PABPC1: variants seen among roughly 807,000 people sequenced by gnomAD.
PABPC1 encodes poly(A) binding protein cytoplasmic 1.
A neutral mutation model predicts 74.0 loss-of-function variants in PABPC1; 4 were observed. The observed-to-expected ratio is 0.05, with a 90% confidence interval of 0.03 to 0.12. The LOEUF (loss-of-function observed/expected upper bound fraction) is 0.12. PABPC1 is among the 10% of genes least tolerant of loss of function. PABPC1 has a pLI of 1.00. For synonymous variants in PABPC1, 227 were observed against 264.1 expected (o/e 0.86, Z 1.36); for missense variants, 271 against 821.1 (o/e 0.33, Z 8.19).
intron 3 of PABPC1, among the ~76,000 whole-genome samples, chr8:100,717,373 C>G (rs1315811090): frequency 6.6e-6 from 1 of 152,154 alleles, no homozygotes; most frequent in African/African-American, 2.4e-5. Context: ...GTTTCCTCAC[C>G]TATAAAATGG....
chr8:100,707,611 G>A (rs1810415338), intron 9 of PABPC1, among the ~76,000 whole-genome samples: 1 of 152,220 alleles, frequency 6.6e-6, no homozygotes, highest in Non-Finnish European at 1.5e-5. Context: ...GGCAGAGCCA[G>A]GTGTACAGGA....
At position 100,709,195 on chromosome 8, in the gene PABPC1, G is replaced by A; in HGVS notation, c.1274C>T (p.Pro425Leu). The change falls in exon 9 of 15, where the codon CCT becomes CTT. Residue 425 changes from proline to leucine, a missense_variant. Physicochemically the swap from Pro to Leu is moderately conservative, Grantham distance 98 (BLOSUM62 -3). Transcript: ENST00000318607. ...QTQNRAAYYP[P>L]SQIAQLRPSP... is the part of the protein sequence containing the mutation. ...TGGTCTTAGTTGAGCAATTTGGCTA[G>A]GAGGATAGTATGCAGCACGGTTCTG... 1 of 1,614,136 alleles carries A rather than the reference G, an allele frequency of 6.2e-7. No individual in the cohort carries two copies. Among genetic ancestry groups the A allele is most frequent in the Non-Finnish European group, 8.5e-7 (1 of 1,179,994 alleles).
chr8:100,704,912 TAA>T lies in PABPC1; in HGVS notation c.1818+12_1818+13del. Reference sequence around the variant, plus strand: ...ACTGTGTAAGAGGCAACTTGGTAAATAAATTTAAATCACCTTAGAACGGAGTG... The same window carrying T: ...ACTGTGTAAGAGGCAACTTGGTAAATATTTAAATCACCTTAGAACGGAGTG... On this transcript the variant is annotated intron_variant, in intron 13 of 14. Coordinates refer to ENST00000318607, the MANE Select transcript of PABPC1 (RefSeq NM_002568.4). 1.2e-6 allele frequency: 2 copies of T among 1,609,084 alleles called. No individual in the cohort carries two copies. Among genetic ancestry groups the T allele is most frequent in the Non-Finnish European group, 1.7e-6 (2 of 1,178,006 alleles).
At position 100,709,377 on chromosome 8, in the gene PABPC1, T is replaced by G; in HGVS notation, c.1245+82A>C. 3.9e-6 allele frequency: 6 copies of G among 1,539,648 alleles called. No individual in the cohort carries two copies. In the South Asian group the frequency reaches 5.7e-5, roughly 15 times the overall value. ...ATTCCCCTTTCTTAATGTTTCACAT[T>G]TGCGGGGCGAGGGGCACAAAAAACA... On this transcript the variant is annotated intron_variant, in intron 8 of 14. Coordinates refer to ENST00000318607, the MANE Select transcript of PABPC1 (RefSeq NM_002568.4).
Position 100,721,041 on chromosome 8 carries a change from G to C in PABPC1, c.193+350C>G, listed in dbSNP as rs1810811274. Among the ~76,000 whole-genome samples, 1 of 152,026 alleles carries C rather than the reference G, an allele frequency of 6.6e-6. No homozygotes were observed. The highest frequency in any genetic ancestry group is 2.4e-5 in the African/African-American group (1 of 41,278). On this transcript the variant is annotated intron_variant, in intron 1 of 14. Coordinates refer to ENST00000318607, the MANE Select transcript of PABPC1 (RefSeq NM_002568.4). This position sits in a 1 kb window ranked among gnomAD's most constrained non-coding sequence, Gnocchi z 7.4. ...CCTCCACCTCTTACCCACGGAAGGAGCTCAGCGTTCAACGCCCCAGAATCC... is the reference window on the plus strand; with the variant it reads ...CCTCCACCTCTTACCCACGGAAGGACCTCAGCGTTCAACGCCCCAGAATCC...
At chr8:100,718,778 C>A (rs1469804898) in intron 1 of PABPC1, among the ~76,000 whole-genome samples, 4 of 152,098 alleles carry the variant, frequency 2.6e-5, no homozygotes, top group Non-Finnish European at 5.9e-5. Context: ...TATATGAAAA[C>A]TAGTCCATTT....
intron 3 of PABPC1, among the ~76,000 whole-genome samples, 200 bp from the exon 4 acceptor site, chr8:100,715,801 A>G (rs558749103): frequency 1.3e-5 from 2 of 151,470 alleles, no homozygotes; most frequent in Non-Finnish European, 3.0e-5. Context: ...TACAATCACA[A>G]AAAAAAAACC....
At chr8:100,710,850 G>A (rs1343774750) in intron 7 of PABPC1, among the ~76,000 whole-genome samples, 1 of 152,102 alleles carries the variant, frequency 6.6e-6, no homozygotes, top group Admixed American at 6.5e-5. Flanking sequence ...AGCCGGGCAT[G>A]GTGGCAGGTG....
chr8:100,717,847 T>C lies in PABPC1; in HGVS notation c.429A>G (p.Val143=), dbSNP rs1462824476. The C allele has an allele frequency of 6.2e-7, 1 of 1,614,022 alleles. No individual in the cohort carries two copies. The highest frequency in any genetic ancestry group is 1.7e-5 in the Admixed American group (1 of 60,018). ...DENGSKGYGF[V]HFETQEAAER... is the part of the protein sequence containing the mutation. ...CAGCTGCTTCCTGCGTCTCAAAGTG[T>C]ACAAATCCATAGCCCTTGGAACCAT... The change falls in exon 3 of 15, where the codon GTA becomes GTG. Residue 143 remains valine, a synonymous_variant. Transcript: ENST00000318607.
At chr8:100,715,707 C>A in intron 3 of PABPC1, 106 bp from the exon 4 acceptor site, 1 of 721,588 alleles carries the variant, frequency 1.4e-6, no homozygotes, top group Non-Finnish European at 2.1e-6. Flanking sequence ...TATTCAGAAT[C>A]CCTAATAAAA....
At chr8:100,704,838 C>T (rs1205946511) in intron 13 of PABPC1, 88 bp downstream of exon 13, 13 of 1,309,190 alleles carry the variant, frequency 9.9e-6, no homozygotes, top group South Asian at 6.4e-5. Context: ...ATATATAACA[C>T]GATGTAAGTG....
chr8:100,720,461 A>G (rs1810789349), intron 1 of PABPC1, among the ~76,000 whole-genome samples: 4 of 152,218 alleles, frequency 2.6e-5, no homozygotes, highest in African/African-American at 4.8e-5. Flanking sequence ...TGCTACAGAT[A>G]AGACTGGTCC....
rs1188965468 is a variant in PABPC1, at chr8:100,721,639, A to G, written c.-56T>C. ...CGCGACCTTTCCGTGAGAGGAGGAGAGCGAGTGCCGGGGCTGGGGGCCGGA... is the reference window on the plus strand; with the variant it reads ...CGCGACCTTTCCGTGAGAGGAGGAGGGCGAGTGCCGGGGCTGGGGGCCGGA... On this transcript the variant is annotated 5_prime_UTR_variant, in exon 1 of 15. Coordinates refer to ENST00000318607, the MANE Select transcript of PABPC1 (RefSeq NM_002568.4). The surrounding 1 kb of genome is among the most constrained non-coding windows in gnomAD (Gnocchi z 7.4). 1.7e-6 allele frequency: 2 copies of G among 1,186,088 alleles called. No homozygotes were observed. Among genetic ancestry groups the G allele is most frequent in the South Asian group, 2.0e-5 (1 of 49,194 alleles). The allele number at this position is 1,186,088 out of a possible 1,614,324, so 73.5% of individuals were successfully genotyped here. A position where few individuals can be genotyped will look rare whatever the true frequency, so the allele number is the denominator to read the frequency against.
chr8:100,714,221 G>C (rs892156656), intron 4 of PABPC1, among the ~76,000 whole-genome samples: 2 of 152,208 alleles, frequency 1.3e-5, no homozygotes, highest in Non-Finnish European at 2.9e-5. Context: ...TACTCATACG[G>C]TAGGTAGTTA....
At chr8:100,704,252 T>C (rs986932063) in intron 14 of PABPC1, 45 bp downstream of exon 14, 2 of 1,397,584 alleles carry the variant, frequency 1.4e-6, no homozygotes, top group Non-Finnish European at 2.0e-6. Context: ...TTATAAAAGA[T>C]GAAGAAAACA....
At chr8:100,714,819 T>A (rs905196918) in intron 4 of PABPC1, among the ~76,000 whole-genome samples, 10 of 151,766 alleles carry the variant, frequency 6.6e-5, no homozygotes, top group Non-Finnish European at 1.2e-4. Context: ...AAGGGTGGGG[T>A]CAAGCAAATC....
rs1810359219 is a variant in PABPC1, at chr8:100,705,612, G to A, written c.1664C>T (p.Pro555Leu). 6.2e-7 allele frequency: 1 copy of A among 1,613,600 alleles called. No homozygotes were observed. Among genetic ancestry groups the A allele is most frequent in the Non-Finnish European group, 8.5e-7 (1 of 1,179,476 alleles). The change falls in exon 12 of 15, where the codon CCT (proline) becomes CTT (leucine). Residue 555 changes from proline (P) to leucine (L), a missense_variant. Pro to Leu is a moderately conservative substitution (Grantham distance 98). Around this residue, in one of 7 missense-constraint regions of PABPC1, gnomAD observed 103 missense variants for 245.3 expected, o/e 0.42. Transcript: ENST00000318607. ...LTASMLASAPPQEQKQMLGER... is the reference protein window; with the variant it reads ...LTASMLASAPLQEQKQMLGER... ...ACCCAACATTTGCTTTTGCTCTTGA[G>A]GAGGGGCAGATGCCAACATGGAAGC...
Position 100,712,798 on chromosome 8 carries a change from C to CAA in PABPC1, c.739-11_739-10dup, listed in dbSNP as rs34574721. On this transcript the variant is annotated splice_polypyrimidine_tract_variant and intron_variant, in intron 5 of 14. Transcript: ENST00000318607. The stretch of plus-strand genomic sequence containing the variant: ...TTCATCTCATCCACAGCCTTCCCCC[C>CAA]AAAAAAAAAGAAAAAAAAAAAATCA... 2,953 of 1,451,128 alleles carry CAA rather than the reference C, an allele frequency of 2.0e-3. 1 individual carries two copies. Among genetic ancestry groups the CAA allele is most frequent in the South Asian group, 8.2e-3 (596 of 72,506 alleles). 89.9% of individuals were successfully genotyped at this position (1,451,128 alleles called of 1,614,324 possible). A position where few individuals can be genotyped will look rare whatever the true frequency, so the allele number is the denominator to read the frequency against.
chr8:100,703,478 T>C (rs939349308), intron 14 of PABPC1, 119 bp from the exon 15 acceptor site: 2 of 152,300 alleles, frequency 1.3e-5, no homozygotes, highest in East Asian at 1.9e-4. Flanking sequence ...AACACAGCCA[T>C]ACCTGTTCAT....
Sources: gnomAD v4.1 joint callset for allele counts (sites outside exome capture counted in the v4.1 genomes callset) on GRCh38, gnomAD v4.1.1 for gene constraint, gnomAD v4.1.1 regional missense constraint, Gnocchi (gnomAD v3.1) non-coding constraint, MANE v1.5 for transcripts, NCBI Gene and HGNC (gene_info 2026-07-23, HGNC 2026-07-21) for gene names.